MAML2: variants seen among roughly 807,000 people sequenced by gnomAD.
MAML2 encodes mastermind like transcriptional coactivator 2, also known as mastermind-like protein 2.
Under a neutral mutation model 96.1 loss-of-function variants are expected in MAML2, and 22 were observed. The observed-to-expected ratio is 0.23, with a 90% CI of 0.16 to 0.33. MAML2 has a LOEUF of 0.33. Ranked by LOEUF, MAML2 falls within the 10% of genes least tolerant of loss-of-function variation. MAML2 has a pLI of 1.00. For missense variants in MAML2, 1,367 were observed against 1,392.4 expected (o/e 0.98, Z 0.29); for synonymous variants, 561 against 521.3 (o/e 1.08, Z -1.04).
At chr11:96,042,832 A>G (rs188137354) in intron 2 of MAML2, among the ~76,000 whole-genome samples, 5 of 148,192 alleles carry the variant, frequency 3.4e-5, no homozygotes, top group South Asian at 2.1e-4. Flanking sequence ...GCGTCCTCCA[A>G]CTTCTGGGTT....
chr11:96,117,369 C>T (rs1286297777), intron 1 of MAML2, among the ~76,000 whole-genome samples: 1 of 151,394 alleles, frequency 6.6e-6, no homozygotes, highest in Non-Finnish European at 1.5e-5. Context: ...GATCTCAGCT[C>T]ACTACAGCCT....
chr11:96,137,935 C>G (rs980694519), intron 1 of MAML2, among the ~76,000 whole-genome samples: 1 of 152,072 alleles, frequency 6.6e-6, no homozygotes, highest in Non-Finnish European at 1.5e-5. Flanking sequence ...ATCCTTTTCC[C>G]CACAATATTC....
intron 4 of MAML2, among the ~76,000 whole-genome samples, chr11:95,981,210 T>G (rs1292593859): frequency 6.6e-6 from 1 of 152,238 alleles, no homozygotes; most frequent in Non-Finnish European, 1.5e-5. Context: ...CCTTGCCATG[T>G]GACGAGAGCC....
intron 2 of MAML2, among the ~76,000 whole-genome samples, chr11:96,087,977 A>G (rs1259981984): frequency 1.3e-5 from 2 of 152,186 alleles, no homozygotes; most frequent in African/African-American, 2.4e-5. Context: ...TGAAAGTTAC[A>G]TTGATTTCCC....
intron 1 of MAML2, among the ~76,000 whole-genome samples, chr11:96,294,924 A>G (rs1372934227): frequency 1.3e-5 from 2 of 152,204 alleles, no homozygotes; most frequent in East Asian, 3.8e-4. Context: ...GTAGCCATCA[A>G]GAAAATTTAC....
rs573823892 is a variant in MAML2 at position 96,225,820 on chromosome 11, G to A, written c.513+115563C>T. ...TGTACCCCACCCTGGGTGACAGAGC[G>A]AGACACTATCTCAAAAAAAAAAAAT... is the stretch of plus-strand genomic sequence containing the variant. On this transcript the variant is annotated intron_variant, in intron 1 of 4. Transcript: ENST00000524717. Among the ~76,000 whole-genome samples, 113 of 149,020 alleles carry A rather than the reference G, an allele frequency of 7.6e-4. No homozygotes were observed. The Middle Eastern group carries it at 0.021, about 27-fold the overall frequency.
chr11:96,075,663 C>T (rs141993511), intron 2 of MAML2, among the ~76,000 whole-genome samples: 13 of 152,152 alleles, frequency 8.5e-5, no homozygotes, highest in East Asian at 7.7e-4. Context: ...TAGGGGAAGT[C>T]GGGTGGGGGT....
At position 96,092,479 on chromosome 11, in the gene MAML2, C is replaced by A. The variant is rs367975287; in HGVS notation, c.1552G>T (p.Gly518Cys). Residue 518 changes from glycine to cysteine, a missense_variant, in exon 2 of 5, where the codon GGC becomes TGC. Gly to Cys is a radical substitution (Grantham distance 159). Coordinates refer to ENST00000524717, the MANE Select transcript of MAML2 (RefSeq NM_032427.4). The surrounding 1 kb of genome is among the most constrained non-coding windows in gnomAD (Gnocchi z 4.1). ...KVMANYMYKA[G>C]PSAQGGHLDV... ...AGGTGCCCACCCTGGGCTGAGGGGCCGGCCTTGTACATGTAGTTAGCCATT... is the reference window on the plus strand; with the variant it reads ...AGGTGCCCACCCTGGGCTGAGGGGCAGGCCTTGTACATGTAGTTAGCCATT... 19 of 1,607,396 alleles carry A rather than the reference C, an allele frequency of 1.2e-5. No homozygotes were observed. In the East Asian group the frequency reaches 2.0e-4, roughly 17 times the overall value.
intron 1 of MAML2, among the ~76,000 whole-genome samples, chr11:96,325,333 C>T (rs1055856595): frequency 6.6e-6 from 1 of 152,056 alleles, no homozygotes; most frequent in Non-Finnish European, 1.5e-5. Flanking sequence ...GTCTCTTAAA[C>T]GAGGGTAGTA....
intron 1 of MAML2, among the ~76,000 whole-genome samples, chr11:96,323,251 G>A (rs1863731640): frequency 6.6e-6 from 1 of 152,136 alleles, no homozygotes; most frequent in Non-Finnish European, 1.5e-5. Context: ...ATAGAAAAAT[G>A]TGATTCCCCA....
intron 1 of MAML2, among the ~76,000 whole-genome samples, chr11:96,174,471 C>T (rs561252054): frequency 1.4e-4 from 22 of 152,338 alleles, no homozygotes; most frequent in African/African-American, 4.1e-4. Context: ...GCAACCTCTG[C>T]CTCCTGGGTT....
intron 1 of MAML2, among the ~76,000 whole-genome samples, chr11:96,326,662 G>GTTTT (rs1863789043): frequency 1.3e-5 from 2 of 151,902 alleles, no homozygotes; most frequent in African/African-American, 4.8e-5. Context: ...GCCAGGTATG[G>GTTTT]TGTGATGGGC....
intron 2 of MAML2, among the ~76,000 whole-genome samples, chr11:96,013,901 A>G (rs979325721): frequency 2.0e-5 from 3 of 152,230 alleles, no homozygotes; most frequent in African/African-American, 4.8e-5. Flanking sequence ...AACCCAGGAT[A>G]CAGAAAGCCC....
rs147160306 is a variant in MAML2 at position 96,342,830 on chromosome 11, C to T, written c.-935G>A. The T allele has an allele frequency of 1.2e-5, 4 of 323,006 alleles. No individual in the cohort carries two copies. The highest frequency in any genetic ancestry group is 2.2e-5 in the Non-Finnish European group (4 of 178,478). 20.0% of individuals were successfully genotyped at this position (323,006 alleles called of 1,614,324 possible). A position where few individuals can be genotyped will look rare whatever the true frequency, so the allele number is the denominator to read the frequency against. On this transcript the variant is annotated 5_prime_UTR_variant, in exon 1 of 5. It adds an upstream start codon to the 5' untranslated region. Transcript: ENST00000524717. Reference sequence around the variant, plus strand: ...TTCCCGCTTACGTTTCTATTCCTCACCCCCGGCTCTATTCTAATACAGTAT... The same window carrying T: ...TTCCCGCTTACGTTTCTATTCCTCATCCCCGGCTCTATTCTAATACAGTAT...
intron 2 of MAML2, among the ~76,000 whole-genome samples, chr11:96,012,201 A>G (rs1234418264): frequency 6.6e-6 from 1 of 152,224 alleles, no homozygotes; most frequent in African/African-American, 2.4e-5. Flanking sequence ...CTGTGAGAGC[A>G]TTTTCATTCA....
At chr11:96,132,388 T>C (rs774875086) in intron 1 of MAML2, among the ~76,000 whole-genome samples, 13 of 152,204 alleles carry the variant, frequency 8.5e-5, no homozygotes, top group Admixed American at 2.6e-4. Context: ...GTAAGTCTAA[T>C]TACCTCAGAA....
chr11:96,224,514 AAGAT>A (rs1395423090), intron 1 of MAML2, among the ~76,000 whole-genome samples: 72 of 152,316 alleles, frequency 4.7e-4, no homozygotes, highest in Middle Eastern at 3.4e-3. Context: ...AAGTTCTTCC[AAGAT>A]GTCTTCTCAT....
chr11:96,062,285 G>A (rs1859174073), intron 2 of MAML2, among the ~76,000 whole-genome samples: 1 of 152,146 alleles, frequency 6.6e-6, no homozygotes, highest in Admixed American at 6.5e-5. Context: ...GATTTAACTG[G>A]TAATGCCAGT....
intron 2 of MAML2, among the ~76,000 whole-genome samples, chr11:95,992,144 C>T (rs924674347): frequency 6.6e-6 from 1 of 152,202 alleles, no homozygotes; most frequent in African/African-American, 2.4e-5. Flanking sequence ...TTTTAATTCA[C>T]GTGTTTAAAA....
Sources: allele counts gnomAD v4.1 joint callset (sites outside exome capture counted in the v4.1 genomes callset), GRCh38; gene constraint gnomAD v4.1.1; non-coding constraint Gnocchi (gnomAD v3.1); transcripts MANE v1.5; gene names NCBI Gene and HGNC (gene_info 2026-07-23, HGNC 2026-07-21).